ALK: variants seen among roughly 807,000 people sequenced by gnomAD.
The protein encoded by ALK is ALK receptor tyrosine kinase, also known as ALK tyrosine kinase receptor.
Under a neutral mutation model 163.1 loss-of-function variants are expected in ALK, and 74 were observed. That is an observed-to-expected ratio of 0.45 (90% CI 0.38 to 0.55). The LOEUF (loss-of-function observed/expected upper bound fraction) is 0.55, where lower values mean the gene tolerates loss of function less well. Among genes scored for constraint, ALK ranks in the 20% least tolerant of loss-of-function variants. The pLI is 0.00. For missense variants in ALK, 2,063 were observed against 2,105.3 expected, an observed-to-expected ratio of 0.98 and a Z score of 0.39; for synonymous variants, 960 against 843.2, an observed-to-expected ratio of 1.14 and a Z score of -2.40.
At chr2:29,380,876 G>C (rs1668879618) in intron 5 of ALK, among the ~76,000 whole-genome samples, 2 of 152,178 alleles carry the variant, frequency 1.3e-5, no homozygotes, top group Non-Finnish European at 2.9e-5. Context: ...CATGAAATTT[G>C]GTGGGAAGGG....
At chr2:29,418,167 C>G (rs1463688384) in intron 4 of ALK, among the ~76,000 whole-genome samples, 2 of 152,208 alleles carry the variant, frequency 1.3e-5, no homozygotes, top group Non-Finnish European at 2.9e-5. Flanking sequence ...ATTTCCCAGT[C>G]CATGACCTTT....
At chr2:29,231,350 A>C (rs1664200753) in intron 15 of ALK, among the ~76,000 whole-genome samples, 1 of 152,236 alleles carries the variant, frequency 6.6e-6, no homozygotes, top group African/African-American at 2.4e-5. Flanking sequence ...ACAAAAAACA[A>C]AAAACAAAAA....
chr2:29,271,802 T>C (rs56840835), intron 11 of ALK, among the ~76,000 whole-genome samples: 7,967 of 152,280 alleles, frequency 0.052, 248 homozygotes, highest in Middle Eastern at 0.078. Context: ...GAGATGTGTA[T>C]GCAGAAAATG....
intron 1 of ALK, among the ~76,000 whole-genome samples, chr2:29,833,893 T>C (rs184810971): frequency 6.6e-6 from 1 of 152,308 alleles, no homozygotes; most frequent in African/African-American, 2.4e-5. Context: ...CTTAATTACA[T>C]GATTACTCGA....
At chr2:29,342,877 CTTT>C (rs57838065) in intron 5 of ALK, among the ~76,000 whole-genome samples, 2 of 90,448 alleles carry the variant, frequency 2.2e-5, no homozygotes, top group African/African-American at 4.4e-5. Context: ...GCTCAGTGAT[CTTT>C]TTTTTTTTTT....
At chr2:29,209,433 T>A (rs548421391) in intron 25 of ALK, among the ~76,000 whole-genome samples, 1 of 150,722 alleles carries the variant, frequency 6.6e-6, no homozygotes, top group East Asian at 2.0e-4. Context: ...TCCCAGCTAC[T>A]CGAGAAGCTG....
At chr2:29,504,640 G>C (rs942507289) in intron 4 of ALK, among the ~76,000 whole-genome samples, 17 of 152,198 alleles carry the variant, frequency 1.1e-4, no homozygotes, top group African/African-American at 4.1e-4. Flanking sequence ...AAGAATCGCA[G>C]CCTTGGGTAA....
chr2:29,448,009 C>A lies in ALK; in HGVS notation c.1155-64150G>T, dbSNP rs1670729272. ...CTTTTTAAATGACAAAGGACAGTAA[C>A]ATTCTTGGTTTTTTGCATTATTGTT... On this transcript the variant is annotated intron_variant, in intron 4 of 28. Coordinates refer to ENST00000389048, the MANE Select transcript of ALK (RefSeq NM_004304.5). Among the ~76,000 whole-genome samples, 6 of 152,260 alleles carry A rather than the reference C, an allele frequency of 3.9e-5. No homozygotes were observed. In the South Asian group the frequency reaches 1.2e-3, roughly 32 times the overall value.
chr2:29,817,610 T>C (rs1185035022), intron 1 of ALK, among the ~76,000 whole-genome samples: 1 of 152,158 alleles, frequency 6.6e-6, no homozygotes, highest in African/African-American at 2.4e-5. Context: ...ACCATTATAC[T>C]GACTTGGAAA....
chr2:29,201,457 A>G (rs111774604), intron 26 of ALK, among the ~76,000 whole-genome samples: 11 of 152,014 alleles, frequency 7.2e-5, no homozygotes, highest in South Asian at 2.1e-4. Flanking sequence ...TCCACTTCCC[A>G]TCCAACAGTC....
At chr2:29,885,418 C>T (rs527520397) in intron 1 of ALK, among the ~76,000 whole-genome samples, 8 of 152,246 alleles carry the variant, frequency 5.3e-5, no homozygotes, top group African/African-American at 1.9e-4. Flanking sequence ...ATTGAATATG[C>T]CACTGTTGTT....
At chr2:29,314,157 G>A (rs749543008) in intron 8 of ALK, among the ~76,000 whole-genome samples, 2 of 152,102 alleles carry the variant, frequency 1.3e-5, no homozygotes, top group Non-Finnish European at 2.9e-5. Context: ...CAATCAGAGA[G>A]CAATTTACAG....
intron 2 of ALK, among the ~76,000 whole-genome samples, chr2:29,713,885 A>G (rs1436858207): frequency 1.3e-5 from 2 of 151,888 alleles, no homozygotes; most frequent in African/African-American, 4.8e-5. Context: ...TCCTGCTCAT[A>G]TGGGCAGAAC....
chr2:29,349,199 C>T (rs1487618113), intron 5 of ALK, among the ~76,000 whole-genome samples: 2 of 152,086 alleles, frequency 1.3e-5, no homozygotes, highest in Non-Finnish European at 1.5e-5. Context: ...GTAGAGTCTG[C>T]CTTATTCTAT....
At chr2:29,299,949 C>T (rs1012013008) in intron 8 of ALK, among the ~76,000 whole-genome samples, 11 of 152,182 alleles carry the variant, frequency 7.2e-5, no homozygotes, top group Non-Finnish European at 1.2e-4. Context: ...TTTGGAAACA[C>T]GGTGGATTAG....
chr2:29,547,481 T>C (rs777913509), intron 3 of ALK, among the ~76,000 whole-genome samples: 3 of 151,974 alleles, frequency 2.0e-5, no homozygotes, highest in Non-Finnish European at 4.4e-5. Context: ...CCTGTAGTCC[T>C]AGGTACTCAG....
intron 1 of ALK, among the ~76,000 whole-genome samples, chr2:29,815,027 G>GTAACATC (rs1664859476): frequency 6.8e-6 from 1 of 147,924 alleles, no homozygotes; most frequent in Non-Finnish European, 1.5e-5. Flanking sequence ...CGGCCTCAGT[G>GTAACATC]TAACATCTAG....
chr2:29,763,919 C>T (rs1470973855), intron 1 of ALK, among the ~76,000 whole-genome samples: 2 of 152,122 alleles, frequency 1.3e-5, no homozygotes, highest in Admixed American at 6.6e-5. Context: ...GGCCCCACAC[C>T]AACTTTCAGG....
chr2:29,451,513 C>T (rs990253067), intron 4 of ALK, among the ~76,000 whole-genome samples: 3 of 151,398 alleles, frequency 2.0e-5, no homozygotes, highest in Admixed American at 6.6e-5. Flanking sequence ...TACTTGCTAT[C>T]CTCATCTTGT....
Sources: allele counts gnomAD v4.1 joint callset (sites outside exome capture counted in the v4.1 genomes callset), GRCh38; gene constraint gnomAD v4.1.1; transcripts MANE v1.5; gene names NCBI Gene and HGNC (gene_info 2026-07-23, HGNC 2026-07-21).